The following ADGRG7 variants were observed in gnomAD, a reference collection of about 807,000 sequenced individuals.
ADGRG7 encodes the protein adhesion G protein-coupled receptor G7.
A neutral mutation model predicts 88.6 loss-of-function variants in ADGRG7; 82 were observed. The observed-to-expected ratio is 0.93, with a 90% CI of 0.77 to 1.11. The LOEUF is 1.11. Ranked by LOEUF, ADGRG7 falls within the 50% of genes most tolerant of loss-of-function variation. The pLI, the probability that ADGRG7 is intolerant of heterozygous loss-of-function variation, is 0.00. For missense variants in ADGRG7, 945 were observed against 953.4 expected (o/e 0.99, Z 0.12); for synonymous variants, 381 against 345.2 (o/e 1.10, Z -1.15).
At chr3:100,640,857 A>G (rs1707631510) in intron 6 of ADGRG7, among the ~76,000 whole-genome samples, 1 of 152,122 alleles carries the variant, frequency 6.6e-6, no homozygotes, top group Non-Finnish European at 1.5e-5. Flanking sequence ...GCATAGTCTG[A>G]TCTGTAACCT....
chr3:100,684,203 C>T (rs1055893938), intron 15 of ADGRG7, among the ~76,000 whole-genome samples: 4 of 151,294 alleles, frequency 2.6e-5, no homozygotes, highest in Non-Finnish European at 4.4e-5. Context: ...TCTTTTTAGA[C>T]CCTGCATATT....
chr3:100,629,369 A>G (rs1368101744), intron 1 of ADGRG7, among the ~76,000 whole-genome samples: 1 of 151,902 alleles, frequency 6.6e-6, no homozygotes, highest in Non-Finnish European at 1.5e-5. Flanking sequence ...TGGTCAAAGT[A>G]TTATGTCTTT....
intron 15 of ADGRG7, among the ~76,000 whole-genome samples, chr3:100,673,489 T>G (rs1428123881): frequency 6.7e-6 from 1 of 149,148 alleles, no homozygotes; most frequent in East Asian, 2.0e-4. Flanking sequence ...TTTGACAGAG[T>G]CTCGGTCTGT....
At chr3:100,659,967 C>A in intron 14 of ADGRG7, 124 bp downstream of exon 14, 1 of 873,348 alleles carries the variant, frequency 1.1e-6, no homozygotes, top group Non-Finnish European at 1.7e-6. Context: ...ACGTGGTTTA[C>A]AGGAGAGATT....
In ADGRG7 at chr3:100,629,559, G is replaced by A. The variant is rs1292072043; in HGVS notation, c.116-39G>A. 3.5e-6 allele frequency: 5 copies of A among 1,409,686 alleles called. No homozygotes were observed. The East Asian group carries it at 6.9e-5, about 19-fold the overall frequency. The allele number at this position is 1,409,686 out of a possible 1,614,324, so 87.3% of individuals were successfully genotyped here. Reference sequence around the variant, plus strand: ...CAGGCATGAAAGGAGAAATGAATCAGCCAGTTCATGACTATTCTGTTATTT... The same window carrying A: ...CAGGCATGAAAGGAGAAATGAATCAACCAGTTCATGACTATTCTGTTATTT... On this transcript the variant is annotated intron_variant, in intron 1 of 15. Transcript: ENST00000273352.
chr3:100,623,385 T>C (rs1252267620), intron 1 of ADGRG7, among the ~76,000 whole-genome samples: 1 of 152,096 alleles, frequency 6.6e-6, no homozygotes, highest in African/African-American at 2.4e-5. Flanking sequence ...GCCATATATG[T>C]TTTATCTATT....
chr3:100,645,317 A>G (rs1420982021), intron 8 of ADGRG7, among the ~76,000 whole-genome samples: 1 of 152,202 alleles, frequency 6.6e-6, no homozygotes, highest in Non-Finnish European at 1.5e-5. Flanking sequence ...TCCAATGTCC[A>G]GAAGATGTTT....
intron 1 of ADGRG7, among the ~76,000 whole-genome samples, chr3:100,612,548 T>C (rs1428677889): frequency 3.3e-5 from 5 of 152,226 alleles, no homozygotes; most frequent in African/African-American, 9.6e-5. Flanking sequence ...ATTGGCATTT[T>C]CCAACTTGTG....
chr3:100,686,532 C>G (rs190186992), intron 15 of ADGRG7, among the ~76,000 whole-genome samples: 72 of 152,164 alleles, frequency 4.7e-4, no homozygotes, highest in African/African-American at 1.7e-3. Context: ...GTATTTAATC[C>G]ATCTTGAATT....
At chr3:100,663,910 A>C (rs917424199) in intron 14 of ADGRG7, among the ~76,000 whole-genome samples, 1 of 152,056 alleles carries the variant, frequency 6.6e-6, no homozygotes, top group Non-Finnish European at 1.5e-5. Context: ...TCAAGCATCC[A>C]GTTCAGAATA....
intron 15 of ADGRG7, among the ~76,000 whole-genome samples, chr3:100,690,401 G>A (rs1263298767): frequency 6.6e-6 from 1 of 152,024 alleles, no homozygotes; most frequent in Non-Finnish European, 1.5e-5. Context: ...ATCCAGCTTT[G>A]TTCCATTGAG....
At chr3:100,691,351 G>C (rs1393192015) in intron 15 of ADGRG7, among the ~76,000 whole-genome samples, 5 of 152,110 alleles carry the variant, frequency 3.3e-5, no homozygotes, top group Non-Finnish European at 7.4e-5. Flanking sequence ...GCTCACACAT[G>C]GTGCTCTGTA....
intron 15 of ADGRG7, among the ~76,000 whole-genome samples, chr3:100,677,139 T>G (rs143683547): frequency 8.1e-4 from 123 of 152,224 alleles, no homozygotes; most frequent in African/African-American, 2.9e-3. Context: ...TTTTGTTACT[T>G]GTTTTCTGGT....
chr3:100,646,194 A>G, intron 9 of ADGRG7, 86 bp downstream of exon 9: 1 of 383,166 alleles, frequency 2.6e-6, no homozygotes, highest in Non-Finnish European at 4.6e-6. Context: ...AGAGTAATAC[A>G]GGGGAAGAAG....
chr3:100,641,268 A>C (rs1388485809), intron 6 of ADGRG7, among the ~76,000 whole-genome samples: 1 of 152,260 alleles, frequency 6.6e-6, no homozygotes, highest in Non-Finnish European at 1.5e-5. Context: ...AGTTTAGGGA[A>C]GCTTAAGAGA....
intron 13 of ADGRG7, 44 bp downstream of exon 13, chr3:100,656,039 G>T: frequency 8.2e-7 from 1 of 1,212,540 alleles, no homozygotes; most frequent in Non-Finnish European, 1.2e-6. Context: ...TGACCTAAAA[G>T]TGTAACTGTT....
At chr3:100,614,379 G>T (rs2149010594) in intron 1 of ADGRG7, among the ~76,000 whole-genome samples, 1 of 152,254 alleles carries the variant, frequency 6.6e-6, no homozygotes, top group Non-Finnish European at 1.5e-5. Context: ...ATTTAGTCAT[G>T]CATACCAAAG....
chr3:100,663,114 G>A (rs562941911), intron 14 of ADGRG7, among the ~76,000 whole-genome samples: 164 of 152,174 alleles, frequency 1.1e-3, no homozygotes, highest in African/African-American at 3.7e-3. Context: ...ACAGCTCTTA[G>A]CTCCTGTTAA....
At position 100,659,851 on chromosome 3, in the gene ADGRG7, T is replaced by A; in HGVS notation, c.1979+8T>A. 6.2e-7 allele frequency: 1 copy of A among 1,612,624 alleles called. No individual in the cohort carries two copies. The highest frequency in any genetic ancestry group is 2.2e-5 in the East Asian group (1 of 44,838). On this transcript the variant is annotated splice_region_variant and intron_variant, in intron 14 of 15. Transcript: ENST00000273352. The stretch of plus-strand genomic sequence containing the variant: ...TAACCAGAACCTGACAAGGTAAGAT[T>A]CCCAATGAATGGGAAGCTGCCAGGC...
Sources: gnomAD v4.1 joint callset for allele counts (sites outside exome capture counted in the v4.1 genomes callset) on GRCh38, gnomAD v4.1.1 for gene constraint, MANE v1.5 for transcripts, NCBI Gene and HGNC (gene_info 2026-07-23, HGNC 2026-07-21) for gene names.